WDR53: variants seen among roughly 807,000 people sequenced by gnomAD.
WDR53 encodes the protein WD repeat-containing protein 53.
Under a neutral mutation model 21.3 loss-of-function variants are expected in WDR53, and 19 were observed. The observed-to-expected ratio is 0.89, with a 90% confidence interval of 0.62 to 1.31. The LOEUF (loss-of-function observed/expected upper bound fraction) is 1.31. Among genes scored for constraint, WDR53 ranks in the 50% most tolerant of loss-of-function variants. The pLI, the probability that WDR53 is intolerant of heterozygous loss-of-function variation, is 0.00. For synonymous variants in WDR53, 157 were observed against 163.4 expected (o/e 0.96, Z 0.30); for missense variants, 374 against 423.2 (o/e 0.88, Z 1.02).
At chr3:196,562,091 T>C (rs1443512669) in intron 2 of WDR53, among the ~76,000 whole-genome samples, 2 of 152,216 alleles carry the variant, frequency 1.3e-5, no homozygotes, top group African/African-American at 2.4e-5. Context: ...ATTAGGCCGG[T>C]GCAAAGCGGC....
chr3:196,560,038 C>T (rs1228503376), intron 3 of WDR53, among the ~76,000 whole-genome samples: 2 of 152,158 alleles, frequency 1.3e-5, no homozygotes, highest in East Asian at 1.9e-4. Flanking sequence ...GCCATGGGAA[C>T]GTTCAAGCTA....
At position 196,554,339 on chromosome 3, in the gene WDR53, G is replaced by C. The variant is rs148910267; in HGVS notation, c.949C>G (p.Pro317Ala). 43 of 1,613,864 alleles carry C rather than the reference G, an allele frequency of 2.7e-5. No individual in the cohort carries two copies. In the Middle Eastern group the frequency reaches 4.9e-4, roughly 19 times the overall value. The part of the protein sequence containing the change: ...TDEEEHGNIL[P>A]KLNIEHGEKV... ...TCTCCATGTTCAATATTTAGCTTTGGTAAAATGTTGCCATGTTCTTCCTCA... is the reference window on the plus strand; with the variant it reads ...TCTCCATGTTCAATATTTAGCTTTGCTAAAATGTTGCCATGTTCTTCCTCA... The change falls in exon 4 of 4, where the codon CCA (proline) becomes GCA (alanine). Residue 317 changes from proline to alanine, a missense_variant. Transcript: ENST00000332629.
intron 3 of WDR53, among the ~76,000 whole-genome samples, chr3:196,560,246 T>TC (rs1734699028): frequency 8.4e-6 from 1 of 118,958 alleles, no homozygotes; most frequent in African/African-American, 3.4e-5. Context: ...CTTTCTTTTT[T>TC]CTTTTTTTTT....
chr3:196,561,508 A>G lies in WDR53; in HGVS notation c.-16-17T>C. The G allele has an allele frequency of 1.3e-6, 2 of 1,578,910 alleles. No individual in the cohort carries two copies. The highest frequency in any genetic ancestry group is 2.3e-5 in the South Asian group (2 of 86,120). ...CCGGAGACTCTGTGAAGTGGGGGAA[A>G]CAACTGTAATCTCATGTTTTATACA... On this transcript the variant is annotated splice_polypyrimidine_tract_variant and intron_variant, in intron 2 of 3. Coordinates refer to ENST00000332629, the MANE Select transcript of WDR53 (RefSeq NM_182627.3).
At chr3:196,557,627 C>T (rs1157799208) in intron 3 of WDR53, among the ~76,000 whole-genome samples, 4 of 152,070 alleles carry the variant, frequency 2.6e-5, no homozygotes, top group African/African-American at 9.7e-5. Flanking sequence ...AACAACAAAC[C>T]TTTCAATCAT....
chr3:196,557,633 A>G (rs1391667818), intron 3 of WDR53, among the ~76,000 whole-genome samples: 7 of 152,212 alleles, frequency 4.6e-5, no homozygotes, highest in Non-Finnish European at 1.0e-4. Context: ...AAACCTTTCA[A>G]TCATTTGTTT....
intron 2 of WDR53, 45 bp from the exon 3 acceptor site, chr3:196,561,536 G>T: frequency 1.3e-6 from 2 of 1,516,418 alleles, no homozygotes; most frequent in Non-Finnish European, 1.8e-6. Context: ...TTTATACATC[G>T]ACTTGATGGG....
At chr3:196,563,784 C>A (rs1735107707) in intron 2 of WDR53, among the ~76,000 whole-genome samples, 1 of 152,158 alleles carries the variant, frequency 6.6e-6, no homozygotes, top group African/African-American at 2.4e-5. Flanking sequence ...GTTGGCCAGG[C>A]TGGTCTTGAA....
chr3:196,554,362 T>C lies in WDR53; in HGVS notation c.926A>G (p.Glu309Gly). The change falls in exon 4 of 4, where the codon GAG becomes GGG. Residue 309 changes from glutamate (E) to glycine (G), a missense_variant. Physicochemically the swap from Glu to Gly is moderately conservative, Grantham distance 98 (BLOSUM62 -2). Transcript: ENST00000332629. ...TGGTAAAATGTTGCCATGTTCTTCC[T>C]CATCTGTTACTGAAGCGTTAGTATT... ...GGNTNASVTDEEEHGNILPKL... is the reference protein window; with the variant it reads ...GGNTNASVTDGEEHGNILPKL... 1 of 1,614,214 alleles carries C rather than the reference T, an allele frequency of 6.2e-7. No individual in the cohort carries two copies. The highest frequency in any genetic ancestry group is 1.6e-4 in the Middle Eastern group (1 of 6,062).
chr3:196,567,751 T>TGTGTGTGTGTGTGTGTG (rs1735555984), intron 1 of WDR53, among the ~76,000 whole-genome samples: 1 of 143,570 alleles, frequency 7.0e-6, no homozygotes, highest in African/African-American at 2.6e-5. Flanking sequence ...GCTGAAATTC[T>TGTGTGTGTGTGTGTGTG]TGTGTGTGTG....
intron 3 of WDR53, among the ~76,000 whole-genome samples, chr3:196,560,390 C>T (rs1401799405): frequency 6.6e-6 from 1 of 152,058 alleles, no homozygotes; most frequent in Non-Finnish European, 1.5e-5. Flanking sequence ...TGCAGGAGCC[C>T]ACCACCACGC....
chr3:196,560,423 G>GT (rs1734722200), intron 3 of WDR53, among the ~76,000 whole-genome samples: 1 of 152,058 alleles, frequency 6.6e-6, no homozygotes, highest in African/African-American at 2.4e-5. Context: ...TGTATTTCTA[G>GT]TAGAGACAGG....
chr3:196,558,301 G>C (rs942196489), intron 3 of WDR53, among the ~76,000 whole-genome samples: 1 of 152,002 alleles, frequency 6.6e-6, no homozygotes, highest in Non-Finnish European at 1.5e-5. Flanking sequence ...CACCTCCCTG[G>C]GCTCAGGTGA....
intron 2 of WDR53, among the ~76,000 whole-genome samples, chr3:196,564,089 T>TA: frequency 6.6e-6 from 1 of 152,172 alleles, no homozygotes; most frequent in Admixed American, 6.5e-5. Flanking sequence ...CAATAATATT[T>TA]AAAGGAGAGA....
At chr3:196,565,399 A>C (rs948875117) in intron 2 of WDR53, among the ~76,000 whole-genome samples, 2 of 151,956 alleles carry the variant, frequency 1.3e-5, no homozygotes, top group African/African-American at 4.8e-5. Flanking sequence ...AGATGGAGAA[A>C]CCCTGTCTCT....
intron 3 of WDR53, among the ~76,000 whole-genome samples, chr3:196,556,052 G>T (rs1309290335): frequency 6.6e-6 from 1 of 151,268 alleles, no homozygotes; most frequent in East Asian, 1.9e-4. Context: ...TATGAAAATA[G>T]TTTTTTTTTT....
intron 2 of WDR53, among the ~76,000 whole-genome samples, chr3:196,566,174 C>T (rs1182926607): frequency 6.6e-6 from 1 of 152,062 alleles, no homozygotes; most frequent in African/African-American, 2.4e-5. Flanking sequence ...ACTGCAACTT[C>T]CACCTTCGGG....
In WDR53 at chr3:196,554,779, C is replaced by G; in HGVS notation, c.509G>C (p.Arg170Pro). The G allele has an allele frequency of 6.2e-7, 1 of 1,613,936 alleles. No homozygotes were observed. The highest frequency in any genetic ancestry group is 1.6e-4 in the Middle Eastern group (1 of 6,062). The change falls in exon 4 of 4, where the codon CGA (arginine) becomes CCA (proline). Residue 170 changes from arginine to proline, a missense_variant. Transcript: ENST00000332629. The part of the protein sequence containing the change: ...QVMLWSLQKA[R>P]PLWITNLQED... ...CTGTAAATTTGTAATCCAGAGTGGT[C>G]GGGCTTTTTGAAGACTCCACAGCAT...
chr3:196,563,631 G>GCACA (rs1040502176), intron 2 of WDR53, among the ~76,000 whole-genome samples: 1 of 151,330 alleles, frequency 6.6e-6, no homozygotes, highest in Non-Finnish European at 1.5e-5. Context: ...GAGTGCAATG[G>GCACA]CACAATCTCA....
Sources: gnomAD v4.1 joint callset for allele counts (sites outside exome capture counted in the v4.1 genomes callset) on GRCh38, gnomAD v4.1.1 for gene constraint, MANE v1.5 for transcripts, NCBI Gene and HGNC (gene_info 2026-07-23, HGNC 2026-07-21) for gene names.